RBPJ: variants seen among roughly 807,000 people sequenced by gnomAD.
RBPJ encodes recombining binding protein suppressor of hairless.
Under a neutral mutation model 67.8 loss-of-function variants are expected in RBPJ, and 9 were observed. That is an observed-to-expected ratio of 0.13 (90% CI 0.08 to 0.23). RBPJ has a LOEUF of 0.23. RBPJ is among the 10% of genes least tolerant of loss of function. The pLI, the probability that RBPJ is intolerant of heterozygous loss-of-function variation, is 1.00. For missense variants in RBPJ, 305 were observed against 595.6 expected (o/e 0.51, Z 5.08); for synonymous variants, 198 against 203.3 (o/e 0.97, Z 0.22).
chr4:26,387,728 T>G (rs934660399), intron 2 of RBPJ, among the ~76,000 whole-genome samples: 1 of 152,100 alleles, frequency 6.6e-6, no homozygotes, highest in Non-Finnish European at 1.5e-5. Context: ...AACTACTCCG[T>G]GGTGGGGATT....
chr4:26,161,127 C>T (rs541677071), upstream of RBPJ, among the ~76,000 whole-genome samples: 3 of 152,334 alleles, frequency 2.0e-5, no homozygotes, highest in Admixed American at 6.5e-5. Flanking sequence ...TTCCAAGCCT[C>T]GGCCTCAAGA....
intron 1 of RBPJ, among the ~76,000 whole-genome samples, chr4:26,187,222 G>A (rs556588671): frequency 2.7e-4 from 41 of 152,094 alleles, no homozygotes; most frequent in South Asian, 1.0e-3. Flanking sequence ...ACCCTGTCTC[G>A]AAAAAACAAA....
chr4:26,244,219 G>A (rs1439612894), intron 1 of RBPJ, among the ~76,000 whole-genome samples: 12 of 144,410 alleles, frequency 8.3e-5, no homozygotes, highest in African/African-American at 2.1e-4. Flanking sequence ...ATACACATAT[G>A]TGTACACATA....
chr4:26,186,393 G>A (rs576391231), intron 1 of RBPJ, among the ~76,000 whole-genome samples: 1 of 152,274 alleles, frequency 6.6e-6, no homozygotes, highest in African/African-American at 2.4e-5. Flanking sequence ...AATTGGAACA[G>A]TGCCAGGTAC....
chr4:26,375,086 G>C (rs571921641), intron 1 of RBPJ, among the ~76,000 whole-genome samples: 1 of 151,726 alleles, frequency 6.6e-6, no homozygotes, highest in East Asian at 1.9e-4. Flanking sequence ...GGGGATCACC[G>C]GAGCTCAGGA....
the RBPJ span, among the ~76,000 whole-genome samples, chr4:26,154,378 G>T: frequency 1.3e-5 from 2 of 152,144 alleles, no homozygotes; most frequent in African/African-American, 2.4e-5. Flanking sequence ...TCTGTGCAGG[G>T]TCTGGCATGT....
intron 2 of RBPJ, among the ~76,000 whole-genome samples, chr4:26,403,094 G>A (rs772476099): frequency 3.9e-5 from 6 of 152,120 alleles, no homozygotes; most frequent in Non-Finnish European, 4.4e-5. Flanking sequence ...AATTAATTAC[G>A]TATTTTTAAA....
At chr4:26,292,523 C>A (rs545550214) in intron 1 of RBPJ, among the ~76,000 whole-genome samples, 2 of 150,302 alleles carry the variant, frequency 1.3e-5, no homozygotes, top group African/African-American at 2.5e-5. Context: ...CGGGTTCAAG[C>A]GATTCTCCTG....
At chr4:26,167,418 A>G (rs1716362222) in intron 1 of RBPJ, among the ~76,000 whole-genome samples, 1 of 148,352 alleles carries the variant, frequency 6.7e-6, no homozygotes, top group Non-Finnish European at 1.5e-5. Flanking sequence ...GTTCTCCTTG[A>G]AGAGGTCCTT....
intron 1 of RBPJ, among the ~76,000 whole-genome samples, chr4:26,176,008 C>T (rs999136483): frequency 2.0e-5 from 3 of 152,192 alleles, no homozygotes; most frequent in Non-Finnish European, 4.4e-5. Flanking sequence ...GGGTAAATCT[C>T]TTCATTTTAG....
At chr4:26,243,944 C>T (rs766263269) in intron 1 of RBPJ, among the ~76,000 whole-genome samples, 5 of 151,502 alleles carry the variant, frequency 3.3e-5, no homozygotes, top group Non-Finnish European at 5.9e-5. Flanking sequence ...AAAATACAAA[C>T]ATTAGCCGGG....
Position 26,306,532 on chromosome 4 carries a change from C to T in RBPJ, c.-166-55914C>T, listed in dbSNP as rs542322156. On this transcript the variant is annotated intron_variant, in intron 1 of 4. Coordinates refer to the RBPJ transcript ENST00000512351. ...TGGCGCGATCTCCGCTCACTGCAACCTCCACCTCCCAGGTTCATGCCATTC... is the reference window on the plus strand; with the variant it reads ...TGGCGCGATCTCCGCTCACTGCAACTTCCACCTCCCAGGTTCATGCCATTC... Among the ~76,000 whole-genome samples, 57 of 152,026 alleles carry T rather than the reference C, an allele frequency of 3.7e-4. 1 individual carries two copies. The South Asian group carries it at 0.011, about 29-fold the overall frequency.
At chr4:26,122,210 T>G in the RBPJ span, among the ~76,000 whole-genome samples, 1 of 152,044 alleles carries the variant, frequency 6.6e-6, no homozygotes, top group Non-Finnish European at 1.5e-5. Flanking sequence ...ATAAGCAAAG[T>G]GAAGTGATCA....
chr4:26,182,239 G>A (rs553123313), intron 1 of RBPJ, among the ~76,000 whole-genome samples: 1 of 152,102 alleles, frequency 6.6e-6, no homozygotes, highest in East Asian at 2.0e-4. Flanking sequence ...TTACTCGGGA[G>A]GCTGAGACAG....
chr4:26,243,053 C>T (rs1719702976), intron 1 of RBPJ, among the ~76,000 whole-genome samples: 1 of 151,972 alleles, frequency 6.6e-6, no homozygotes, highest in Admixed American at 6.6e-5. Flanking sequence ...ATGGAGAAAC[C>T]CCGTCTCTAC....
intron 1 of RBPJ, among the ~76,000 whole-genome samples, chr4:26,224,079 ATAT>A (rs1412095390): frequency 2.0e-5 from 3 of 152,194 alleles, no homozygotes; most frequent in Admixed American, 6.5e-5. Flanking sequence ...TTAATGATTG[ATAT>A]TATTAGTATT....
intron 1 of RBPJ, among the ~76,000 whole-genome samples, chr4:26,373,237 AG>A (rs567578322): frequency 2.4e-4 from 36 of 152,256 alleles, no homozygotes; most frequent in African/African-American, 8.7e-4. Flanking sequence ...ATTTTATTTT[AG>A]TTTATTGCAT....
At position 26,420,613 on chromosome 4, in the gene RBPJ, G is replaced by A; in HGVS notation, c.384G>A (p.Leu128=). 6.2e-7 allele frequency: 1 copy of A among 1,613,848 alleles called. No individual in the cohort carries two copies. Residue 128 remains leucine (L), a synonymous_variant, in exon 5 of 11, where the codon TTG becomes TTA. Coordinates refer to ENST00000355476, the MANE Select transcript of RBPJ (RefSeq NM_015874.6). ...CAGACAAGCGAAAGCACTTCATGTTGTCTGTAAAGATGTTCTATGGCAACA... is the reference window on the plus strand; with the variant it reads ...CAGACAAGCGAAAGCACTTCATGTTATCTGTAAAGATGTTCTATGGCAACA... ...SDSDKRKHFM[L]SVKMFYGNSD... is the part of the protein sequence containing the mutation.
chr4:26,211,965 G>A (rs569082052), intron 1 of RBPJ, among the ~76,000 whole-genome samples: 27 of 152,166 alleles, frequency 1.8e-4, no homozygotes, highest in Non-Finnish European at 2.1e-4. Context: ...GGGGTGATGC[G>A]CCAGATGCCA....
Sources: allele counts gnomAD v4.1 joint callset (sites outside exome capture counted in the v4.1 genomes callset), GRCh38; gene constraint gnomAD v4.1.1; transcripts MANE v1.5; gene names NCBI Gene and HGNC (gene_info 2026-07-23, HGNC 2026-07-21).